EPHA6: variants seen among roughly 807,000 people sequenced by gnomAD.
EPHA6 encodes EPH receptor A6, also known as ephrin type-A receptor 6.
EPHA6 carries 50 observed loss-of-function variants against 112.0 expected under a neutral mutation model. That is an observed-to-expected ratio of 0.45 (90% CI 0.36 to 0.56). The LOEUF (loss-of-function observed/expected upper bound fraction) is 0.56. EPHA6 is among the 20% of genes least tolerant of loss of function. The pLI, the probability that EPHA6 is intolerant of heterozygous loss-of-function variation, is 0.00. For missense variants in EPHA6, 1,280 were observed against 1,417.4 expected, an observed-to-expected ratio of 0.90 and a Z score of 1.56; for synonymous variants, 529 against 490.7, an observed-to-expected ratio of 1.08 and a Z score of -1.03.
intron 10 of EPHA6, among the ~76,000 whole-genome samples, chr3:97,505,751 G>C (rs570766449): frequency 3.3e-5 from 5 of 152,250 alleles, no homozygotes; most frequent in Admixed American, 1.3e-4. Flanking sequence ...CTAGATCCTT[G>C]AGGAATCACC....
chr3:97,134,656 A>C (rs1354008209), intron 3 of EPHA6, among the ~76,000 whole-genome samples: 1 of 152,198 alleles, frequency 6.6e-6, no homozygotes, highest in Non-Finnish European at 1.5e-5. Flanking sequence ...AAGAAGCAGT[A>C]ACTATATCTC....
chr3:97,575,639 A>C (rs903351380), intron 11 of EPHA6, among the ~76,000 whole-genome samples: 1 of 152,206 alleles, frequency 6.6e-6, no homozygotes. Context: ...TAGTTTGTGT[A>C]TTATAGTGTG....
intron 14 of EPHA6, among the ~76,000 whole-genome samples, chr3:97,660,315 G>C (rs572748206): frequency 6.6e-6 from 1 of 152,016 alleles, no homozygotes; most frequent in Non-Finnish European, 1.5e-5. Context: ...TCTAATGAAA[G>C]TTTTTAAAAA....
At chr3:97,273,669 G>T (rs949060840) in intron 5 of EPHA6, among the ~76,000 whole-genome samples, 1 of 152,122 alleles carries the variant, frequency 6.6e-6, no homozygotes, top group Non-Finnish European at 1.5e-5. Flanking sequence ...GAAGACTGAG[G>T]ACCGTAGGGG....
intron 11 of EPHA6, among the ~76,000 whole-genome samples, chr3:97,584,857 T>C (rs1323602332): frequency 6.6e-6 from 1 of 152,186 alleles, no homozygotes; most frequent in African/African-American, 2.4e-5. Flanking sequence ...GATAAACCAA[T>C]ATGTTTATTA....
chr3:97,379,661 A>G (rs1325435178), intron 5 of EPHA6, among the ~76,000 whole-genome samples: 2 of 142,630 alleles, frequency 1.4e-5, no homozygotes, highest in African/African-American at 2.6e-5. Context: ...AGACAGGAGA[A>G]TTGTTTGAAC....
chr3:97,703,397 G>GTT (rs1037782471), intron 14 of EPHA6, among the ~76,000 whole-genome samples: 1 of 152,128 alleles, frequency 6.6e-6, no homozygotes, highest in African/African-American at 2.4e-5. Context: ...CAAGTAGGTA[G>GTT]TTTTTTTCTT....
intron 2 of EPHA6, among the ~76,000 whole-genome samples, chr3:96,881,496 T>A (rs2037313558): frequency 6.6e-6 from 1 of 152,166 alleles, no homozygotes. Flanking sequence ...CGTGATTCAG[T>A]TATCTCCCAC....
At chr3:97,207,386 T>G (rs1576681955) in intron 3 of EPHA6, among the ~76,000 whole-genome samples, 1 of 152,134 alleles carries the variant, frequency 6.6e-6, no homozygotes, top group African/African-American at 2.4e-5. Flanking sequence ...TACTCTGATG[T>G]TAAGATGGTC....
chr3:97,707,109 C>A (rs1167181811), intron 14 of EPHA6, among the ~76,000 whole-genome samples: 3 of 152,046 alleles, frequency 2.0e-5, no homozygotes, highest in Non-Finnish European at 2.9e-5. Context: ...TAATCAAAGT[C>A]ATAATGATGA....
intron 7 of EPHA6, among the ~76,000 whole-genome samples, chr3:97,465,814 CTG>C (rs1001250627): frequency 4.6e-5 from 7 of 151,992 alleles, no homozygotes; most frequent in Non-Finnish European, 1.0e-4. Flanking sequence ...TTACCATAAA[CTG>C]TGAAAATTCA....
intron 1 of EPHA6, among the ~76,000 whole-genome samples, chr3:96,844,181 A>T (rs2034931317): frequency 6.6e-6 from 1 of 151,966 alleles, no homozygotes; most frequent in Admixed American, 6.6e-5. Flanking sequence ...GTTCATTCTA[A>T]TCTTTAAGTG....
intron 5 of EPHA6, among the ~76,000 whole-genome samples, chr3:97,367,646 G>A (rs2084814682): frequency 6.6e-6 from 1 of 151,498 alleles, no homozygotes; most frequent in Admixed American, 6.6e-5. Context: ...TCACACCTTC[G>A]TAACCTGCCC....
chr3:96,932,919 A>G (rs746872026), intron 2 of EPHA6, among the ~76,000 whole-genome samples: 4 of 152,172 alleles, frequency 2.6e-5, no homozygotes, highest in Non-Finnish European at 5.9e-5. Context: ...TGATCTGAAA[A>G]ATTTTTTTTA....
intron 1 of EPHA6, among the ~76,000 whole-genome samples, chr3:96,839,283 G>T (rs2034594897): frequency 6.6e-6 from 1 of 151,658 alleles, no homozygotes; most frequent in Admixed American, 6.6e-5. Context: ...TAGATCAGTG[G>T]TGGCACTAGA....
chr3:97,714,684 T>C (rs1362284623), intron 14 of EPHA6, among the ~76,000 whole-genome samples: 1 of 152,222 alleles, frequency 6.6e-6, no homozygotes, highest in African/African-American at 2.4e-5. Flanking sequence ...GGGTTGTCTG[T>C]TCTAACTAGT....
intron 6 of EPHA6, among the ~76,000 whole-genome samples, chr3:97,409,879 C>T (rs568122573): frequency 2.4e-4 from 37 of 152,050 alleles, no homozygotes; most frequent in African/African-American, 8.4e-4. Context: ...TCCAGATGTT[C>T]AATAATTATT....
chr3:97,725,254 T>C (rs1057154653), intron 15 of EPHA6, among the ~76,000 whole-genome samples: 61 of 152,120 alleles, frequency 4.0e-4, no homozygotes, highest in African/African-American at 1.4e-3. Flanking sequence ...CTTCTTTCTG[T>C]GCAAATTCGT....
chr3:97,336,210 C>T (rs1440423107), intron 5 of EPHA6, among the ~76,000 whole-genome samples: 1 of 152,128 alleles, frequency 6.6e-6, no homozygotes, highest in African/African-American at 2.4e-5. Context: ...TGAGAAAGAG[C>T]TGTTATCAGC....
Sources: allele counts gnomAD v4.1 joint callset (sites outside exome capture counted in the v4.1 genomes callset), GRCh38; gene constraint gnomAD v4.1.1; transcripts MANE v1.5; gene names NCBI Gene and HGNC (gene_info 2026-07-23, HGNC 2026-07-21).